The following SIL1 variants were observed in gnomAD, a reference collection of about 807,000 sequenced individuals.
SIL1 encodes nucleotide exchange factor SIL1.
In SIL1, 40 loss-of-function variants were observed where a neutral mutation model predicts 49.1. The observed-to-expected ratio is 0.81, with a 90% CI of 0.63 to 1.06. The LOEUF is 1.06. Among genes scored for constraint, SIL1 ranks in the 50% least tolerant of loss-of-function variants. The probability of loss-of-function intolerance (pLI) is 0.00; values close to 1 mark genes in which losing one functional copy is unlikely to be tolerated. For missense variants in SIL1, 500 were observed against 572.6 expected (o/e 0.87, Z 1.29); for synonymous variants, 253 against 250.8 (o/e 1.01, Z -0.08).
At chr5:139,013,109 CCA>C (rs900116960) in intron 7 of SIL1, among the ~76,000 whole-genome samples, 2 of 152,094 alleles carry the variant, frequency 1.3e-5, no homozygotes, top group African/African-American at 2.4e-5. Context: ...CTACGGTTTT[CCA>C]CAGTCTGGTC....
At chr5:138,986,032 C>T (rs1767643845) in intron 7 of SIL1, among the ~76,000 whole-genome samples, 1 of 152,190 alleles carries the variant, frequency 6.6e-6, no homozygotes, top group East Asian at 1.9e-4. Context: ...AGGCCCTCTC[C>T]CTTCCCTCCC....
intron 7 of SIL1, among the ~76,000 whole-genome samples, chr5:138,973,574 G>GT (rs1767330036): frequency 6.6e-6 from 1 of 152,064 alleles, no homozygotes; most frequent in African/African-American, 2.4e-5. Context: ...TGATCCTCCT[G>GT]TTGCAGCTTC....
chr5:139,085,149 A>G (rs1031235777), intron 3 of SIL1, among the ~76,000 whole-genome samples: 6 of 152,194 alleles, frequency 3.9e-5, no homozygotes, highest in African/African-American at 1.4e-4. Flanking sequence ...GAGAGAAGAG[A>G]AAAAGCTACA....
intron 3 of SIL1, among the ~76,000 whole-genome samples, chr5:139,112,022 T>G (rs1468996407): frequency 6.6e-6 from 1 of 152,186 alleles, no homozygotes; most frequent in Non-Finnish European, 1.5e-5. Context: ...TTTTCGTATT[T>G]TTTTGCTGGA....
chr5:139,158,403 T>A (rs1417284483), intron 1 of SIL1, among the ~76,000 whole-genome samples: 4 of 152,220 alleles, frequency 2.6e-5, no homozygotes, highest in African/African-American at 9.6e-5. Context: ...TCCTGCATCC[T>A]CAGAGAGAAT....
At chr5:139,024,006 G>A (rs747625042) in intron 6 of SIL1, among the ~76,000 whole-genome samples, 2 of 152,124 alleles carry the variant, frequency 1.3e-5, no homozygotes, top group Admixed American at 1.3e-4. Context: ...GTCACCTTAG[G>A]GAAGACACTG....
intron 1 of SIL1, among the ~76,000 whole-genome samples, chr5:139,182,397 C>G (rs964572411): frequency 2.0e-5 from 3 of 152,192 alleles, no homozygotes; most frequent in African/African-American, 7.2e-5. Context: ...CACTGTATTT[C>G]CAGGGCTAAG....
intron 3 of SIL1, among the ~76,000 whole-genome samples, chr5:139,074,166 C>T (rs1027863991): frequency 4.6e-5 from 7 of 152,150 alleles, no homozygotes; most frequent in South Asian, 2.1e-4. Context: ...AAGAGATCCT[C>T]GCACCCCAGC....
chr5:139,047,778 T>TGTCA (rs981570409), intron 4 of SIL1, among the ~76,000 whole-genome samples: 5 of 152,318 alleles, frequency 3.3e-5, no homozygotes, highest in African/African-American at 1.2e-4. Flanking sequence ...CACACCACCT[T>TGTCA]GTCAGTGCCT....
intron 3 of SIL1, among the ~76,000 whole-genome samples, chr5:139,081,572 G>A (rs1770079961): frequency 6.6e-6 from 1 of 152,194 alleles, no homozygotes; most frequent in Admixed American, 6.5e-5. Flanking sequence ...CGTAGACTAT[G>A]TGAATGGCTA....
intron 3 of SIL1, among the ~76,000 whole-genome samples, chr5:139,101,690 T>C (rs1326682369): frequency 6.6e-6 from 1 of 152,230 alleles, no homozygotes; most frequent in Non-Finnish European, 1.5e-5. Context: ...TAGAGACCTG[T>C]TTTGTATCTC....
chr5:138,977,457 A>G (rs10515505), intron 7 of SIL1, among the ~76,000 whole-genome samples: 47,415 of 151,974 alleles, frequency 0.31, 7,678 homozygotes, highest in Middle Eastern at 0.44. Flanking sequence ...CAAAGCAATC[A>G]GAGGAATCTT....
At chr5:139,043,342 T>C (rs1260010911) in intron 4 of SIL1, among the ~76,000 whole-genome samples, 1 of 152,196 alleles carries the variant, frequency 6.6e-6, no homozygotes, top group Non-Finnish European at 1.5e-5. Context: ...CAGAGGGAAG[T>C]GGGCCCAGCC....
intron 7 of SIL1, among the ~76,000 whole-genome samples, chr5:138,960,708 G>C (rs985746668): frequency 2.0e-5 from 3 of 152,158 alleles, no homozygotes; most frequent in African/African-American, 4.8e-5. Context: ...TGCCAGCCTT[G>C]ACCTCCCAAG....
At chr5:139,027,026 T>C in intron 5 of SIL1, 34 bp from the exon 6 acceptor site, 1 of 1,610,964 alleles carries the variant, frequency 6.2e-7, no homozygotes, top group African/African-American at 1.3e-5. Flanking sequence ...ATTAAATTGG[T>C]TGGAGACATC....
At chr5:139,066,084 C>T (rs10057932) in intron 3 of SIL1, among the ~76,000 whole-genome samples, 15,780 of 152,202 alleles carry the variant, frequency 0.1, 1,931 homozygotes, top group African/African-American at 0.3. Context: ...AATGTTCCCT[C>T]CTTGTGCCAC....
At chr5:139,014,056 G>A (rs1220753385) in intron 7 of SIL1, 1 of 152,126 alleles carries the variant, frequency 6.6e-6, no homozygotes, top group Non-Finnish European at 1.5e-5. Flanking sequence ...TCTTGTTGAG[G>A]AGATAGATGA....
At chr5:138,962,301 TC>T (rs1345556255) in intron 7 of SIL1, among the ~76,000 whole-genome samples, 4 of 151,780 alleles carry the variant, frequency 2.6e-5, no homozygotes, top group Non-Finnish European at 1.5e-5. Flanking sequence ...CTGGACTTTT[TC>T]CATTTTTTTT....
rs755849572 is a variant in SIL1 at position 138,947,339 on chromosome 5, C to G, written c.1164G>C (p.Leu388=). The G allele has an allele frequency of 6.2e-7, 1 of 1,613,634 alleles. No homozygotes were observed. The highest frequency in any genetic ancestry group is 1.7e-5 in the Admixed American group (1 of 60,028). ...WCEITAHLLA[L]PEHDAREKVL... is the part of the protein sequence containing the mutation. Reference sequence around the variant, plus strand: ...CCTTCTCACGGGCATCATGCTCGGGCAGCGCCAGGAGGTGGGCCGTGATCT... The same window carrying G: ...CCTTCTCACGGGCATCATGCTCGGGGAGCGCCAGGAGGTGGGCCGTGATCT... Residue 388 remains leucine (L), a synonymous_variant, in exon 10 of 10, where the codon CTG becomes CTC. Transcript: ENST00000394817. This position sits in a 1 kb window ranked among gnomAD's most constrained non-coding sequence, Gnocchi z 4.1.
Sources: allele counts gnomAD v4.1 joint callset (sites outside exome capture counted in the v4.1 genomes callset), GRCh38; gene constraint gnomAD v4.1.1; non-coding constraint Gnocchi (gnomAD v3.1); transcripts MANE v1.5; gene names NCBI Gene and HGNC (gene_info 2026-07-23, HGNC 2026-07-21).